HS6ST3: variants seen among roughly 807,000 people sequenced by gnomAD.
The protein encoded by HS6ST3 is heparan-sulfate 6-O-sulfotransferase 3.
A neutral mutation model predicts 36.7 loss-of-function variants in HS6ST3; 12 were observed. The observed-to-expected ratio is 0.33, with a 90% CI of 0.21 to 0.53. HS6ST3 has a LOEUF of 0.53. Ranked by LOEUF, HS6ST3 falls within the 20% of genes least tolerant of loss-of-function variation. HS6ST3 has a pLI of 0.95. For synonymous variants in HS6ST3, 240 were observed against 257.5 expected (o/e 0.93, Z 0.65); for missense variants, 584 against 640.9 (o/e 0.91, Z 0.96).
At chr13:96,750,042 A>T (rs1252926072) in intron 1 of HS6ST3, among the ~76,000 whole-genome samples, 5 of 152,202 alleles carry the variant, frequency 3.3e-5, no homozygotes, top group African/African-American at 1.2e-4. Flanking sequence ...TTTAGTAACC[A>T]CAGAGATCTT....
intron 1 of HS6ST3, among the ~76,000 whole-genome samples, chr13:96,221,159 C>CT (rs1289465093): frequency 2.0e-5 from 3 of 152,048 alleles, no homozygotes; most frequent in Non-Finnish European, 4.4e-5. Context: ...ATAGGTGCTG[C>CT]TTTTTGGTTG....
intron 1 of HS6ST3, among the ~76,000 whole-genome samples, chr13:96,467,732 A>G (rs968217406): frequency 2.0e-5 from 3 of 152,222 alleles, no homozygotes; most frequent in Admixed American, 6.5e-5. Flanking sequence ...CAATTCTATC[A>G]CATGGGTACC....
At chr13:96,171,889 G>T (rs1042762677) in intron 1 of HS6ST3, among the ~76,000 whole-genome samples, 1 of 145,156 alleles carries the variant, frequency 6.9e-6, no homozygotes, top group African/African-American at 2.6e-5. Flanking sequence ...CACAAACCTC[G>T]TGTTCTAATA....
At chr13:96,534,648 C>T (rs2056148136) in intron 1 of HS6ST3, among the ~76,000 whole-genome samples, 1 of 152,148 alleles carries the variant, frequency 6.6e-6, no homozygotes, top group Non-Finnish European at 1.5e-5. Context: ...AGGAAAAAGC[C>T]ACAGGTGCAG....
At chr13:96,159,391 GATACTGT>G (rs1485793223) in intron 1 of HS6ST3, among the ~76,000 whole-genome samples, 1 of 152,120 alleles carries the variant, frequency 6.6e-6, no homozygotes, top group Non-Finnish European at 1.5e-5. Context: ...AAGAAATAAG[GATACTGT>G]ACCAGTAAAC....
At chr13:96,743,394 A>G (rs1012251336) in intron 1 of HS6ST3, among the ~76,000 whole-genome samples, 1 of 152,102 alleles carries the variant, frequency 6.6e-6, no homozygotes, top group Non-Finnish European at 1.5e-5. Flanking sequence ...CTGTGGCCTC[A>G]TAGGCAGTCC....
chr13:96,229,941 CAAGT>C (rs1213421138), intron 1 of HS6ST3, among the ~76,000 whole-genome samples: 2 of 152,096 alleles, frequency 1.3e-5, no homozygotes, highest in Non-Finnish European at 2.9e-5. Context: ...TCTCAAAAGA[CAAGT>C]AAGAAGTAAC....
rs189432858 is a variant in HS6ST3 at position 96,530,537 on chromosome 13, T to G, written c.708-301953T>G. ...TTTTTTTTGGAAACAGGTACTCACT[T>G]TGTCGCCCAGGCTTGAGTGTGGTAG... On this transcript the variant is annotated intron_variant, in intron 1 of 1. Transcript: ENST00000376705. 8.1e-4 allele frequency among the ~76,000 whole-genome samples: 123 copies of G among 151,886 alleles called. No individual in the cohort carries two copies. The East Asian group carries it at 0.016, about 20-fold the overall frequency.
At chr13:96,316,057 A>G (rs914627302) in intron 1 of HS6ST3, among the ~76,000 whole-genome samples, 2 of 150,144 alleles carry the variant, frequency 1.3e-5, no homozygotes, top group Non-Finnish European at 2.9e-5. Flanking sequence ...TATTGAACAC[A>G]TATTTGGAGT....
At chr13:96,661,834 A>G (rs1480953186) in intron 1 of HS6ST3, among the ~76,000 whole-genome samples, 2 of 152,000 alleles carry the variant, frequency 1.3e-5, no homozygotes, top group African/African-American at 4.8e-5. Flanking sequence ...GAAAGACTTT[A>G]TTTATCTTTT....
intron 1 of HS6ST3, among the ~76,000 whole-genome samples, chr13:96,591,137 T>C (rs376267297): frequency 6.6e-6 from 1 of 152,034 alleles, no homozygotes; most frequent in East Asian, 1.9e-4. Flanking sequence ...GTGACTCTTC[T>C]AGTTTTGGTC....
intron 1 of HS6ST3, among the ~76,000 whole-genome samples, chr13:96,241,345 A>G (rs9556532): frequency 0.1 from 15,370 of 152,204 alleles, 956 homozygotes; most frequent in East Asian, 0.21. Context: ...CTTACATAAA[A>G]ATGAAAAACA....
chr13:96,258,084 A>G (rs2054645976), intron 1 of HS6ST3, among the ~76,000 whole-genome samples: 1 of 152,232 alleles, frequency 6.6e-6, no homozygotes, highest in Non-Finnish European at 1.5e-5. Flanking sequence ...TCAGTACATC[A>G]GTTAAATCCA....
intron 1 of HS6ST3, among the ~76,000 whole-genome samples, chr13:96,827,876 T>C (rs1878683084): frequency 6.6e-6 from 1 of 152,304 alleles, no homozygotes; most frequent in South Asian, 2.1e-4. Context: ...TGGCCAATTT[T>C]CTCAACTGAG....
chr13:96,510,024 A>G (rs2056042754), intron 1 of HS6ST3, among the ~76,000 whole-genome samples: 1 of 152,054 alleles, frequency 6.6e-6, no homozygotes, highest in Non-Finnish European at 1.5e-5. Flanking sequence ...TTATTTCAGC[A>G]GTGTTTTGTG....
In HS6ST3 at chr13:96,837,959, A is replaced by C. The variant is rs1878976405; in HGVS notation, c.*4761A>C. ...TAAAGGTTTCATTGGCTGTTAAATGAGTCCCTTTGCATACTCACTGGAGAG... is the reference window on the plus strand; with the variant it reads ...TAAAGGTTTCATTGGCTGTTAAATGCGTCCCTTTGCATACTCACTGGAGAG... On this transcript the variant is annotated 3_prime_UTR_variant, in exon 2 of 2. Transcript: ENST00000376705. 1.3e-5 allele frequency: 2 copies of C among 152,138 alleles called. No homozygotes were observed. Among genetic ancestry groups the C allele is most frequent in the South Asian group, 4.1e-4 (2 of 4,826 alleles). The allele number at this position is 152,138 out of a possible 1,614,324, so 9.4% of individuals were successfully genotyped here.
intron 1 of HS6ST3, among the ~76,000 whole-genome samples, chr13:96,796,004 A>G (rs1304902869): frequency 6.6e-6 from 1 of 152,118 alleles, no homozygotes; most frequent in South Asian, 2.1e-4. Flanking sequence ...GAAAAAGGCT[A>G]TGAAAGCCCA....
At chr13:96,305,558 A>G (rs2054907913) in intron 1 of HS6ST3, among the ~76,000 whole-genome samples, 1 of 152,222 alleles carries the variant, frequency 6.6e-6, no homozygotes, top group Non-Finnish European at 1.5e-5. Flanking sequence ...CTGTATGAAA[A>G]TGAAAATAAT....
At chr13:96,722,761 G>A (rs995256849) in intron 1 of HS6ST3, among the ~76,000 whole-genome samples, 3 of 152,164 alleles carry the variant, frequency 2.0e-5, no homozygotes, top group Admixed American at 6.5e-5. Flanking sequence ...CAGATTGCTT[G>A]ATCTCAGGAG....
Sources: gnomAD v4.1 joint callset for allele counts (sites outside exome capture counted in the v4.1 genomes callset) on GRCh38, gnomAD v4.1.1 for gene constraint, MANE v1.5 for transcripts, NCBI Gene and HGNC (gene_info 2026-07-23, HGNC 2026-07-21) for gene names.